The following PVR variants were observed in gnomAD, a reference collection of about 807,000 sequenced individuals.
PVR encodes the protein PVR cell adhesion molecule.
A neutral mutation model predicts 43.3 loss-of-function variants in PVR; 39 were observed. That is an observed-to-expected ratio of 0.90 (90% CI 0.70 to 1.18). PVR has a LOEUF of 1.18. Among genes scored for constraint, PVR ranks in the 50% most tolerant of loss-of-function variants. The pLI is 0.00. For missense variants in PVR, 480 were observed against 549.7 expected, an observed-to-expected ratio of 0.87 and a Z score of 1.27; for synonymous variants, 224 against 233.2, an observed-to-expected ratio of 0.96 and a Z score of 0.36.
chr19:44,654,587 C>A (rs992847451), intron 4 of PVR, among the ~76,000 whole-genome samples: 1 of 152,180 alleles, frequency 6.6e-6, no homozygotes, highest in Non-Finnish European at 1.5e-5. Flanking sequence ...GCAGCTGTTG[C>A]CCTGCCCAGG....
chr19:44,655,500 C>T (rs1194160310), intron 4 of PVR, among the ~76,000 whole-genome samples: 1 of 152,208 alleles, frequency 6.6e-6, no homozygotes, highest in East Asian at 1.9e-4. Flanking sequence ...GTGTACCCAG[C>T]CACCTCCAGA....
At chr19:44,648,755 G>A (rs530298594) in intron 2 of PVR, among the ~76,000 whole-genome samples, 3 of 152,294 alleles carry the variant, frequency 2.0e-5, no homozygotes, top group East Asian at 1.9e-4. Flanking sequence ...CAAGGGCTTG[G>A]AACTGTGCCT....
rs781735393 is a variant in PVR, at chr19:44,658,907, A to G, written c.1150+7A>G. On this transcript the variant is annotated splice_region_variant and intron_variant, in intron 6 of 7. Coordinates refer to ENST00000425690, the MANE Select transcript of PVR (RefSeq NM_006505.5). ...TGTCATCTGTGTCCCTCGAGTGAGC[A>G]TCACCAGAGCTGCCGTAATTGAGCA... The G allele has an allele frequency of 3.1e-6, 5 of 1,613,328 alleles. No individual in the cohort carries two copies. In the South Asian group the frequency reaches 4.4e-5, roughly 14 times the overall value.
chr19:44,652,617 C>T (rs1373155755), intron 3 of PVR, among the ~76,000 whole-genome samples: 4 of 152,028 alleles, frequency 2.6e-5, no homozygotes, highest in African/African-American at 9.7e-5. Flanking sequence ...CTCCTGACCT[C>T]GTGATCCACC....
intron 4 of PVR, among the ~76,000 whole-genome samples, chr19:44,654,543 C>T (rs376481008): frequency 6.6e-6 from 1 of 152,156 alleles, no homozygotes; most frequent in South Asian, 2.1e-4. Context: ...GTACTTCCCC[C>T]GAATCCCATG....
chr19:44,658,878 G>A lies in PVR; in HGVS notation c.1128G>A (p.Trp376Ter), dbSNP rs143922001. The change falls in exon 6 of 8, where the codon TGG (tryptophan) becomes TGA (stop). Residue 376 changes from tryptophan (W) to a stop codon, truncating the protein, a stop_gained. Transcript: ENST00000425690. LOFTEE classifies it high-confidence loss of function. ...CCAAATGTTCCCGTGAGGTCCTTTG[G>A]CACTGTCATCTGTGTCCCTCGAGTG... ...YWSKCSREVL[W>*]HCHLCPSSTE... The A allele has an allele frequency of 6.2e-7, 1 of 1,613,854 alleles. No homozygotes were observed. The highest frequency in any genetic ancestry group is 1.3e-5 in the African/African-American group (1 of 74,858).
rs564400655 is a variant in PVR, at chr19:44,665,105, A to G, written c.*3294A>G. ...CAGAATTTTGGTATAGGTGTTGTAT[A>G]AACTTATAGTAAGGTTAAGAAAACC... On this transcript the variant is annotated 3_prime_UTR_variant, in exon 8 of 8. Transcript: ENST00000425690. 1 of 152,288 alleles carries G rather than the reference A, an allele frequency of 6.6e-6. No individual in the cohort carries two copies. Among genetic ancestry groups the G allele is most frequent in the East Asian group, 1.9e-4 (1 of 5,190 alleles). 9.4% of individuals were successfully genotyped at this position (152,288 alleles called of 1,614,324 possible).
chr19:44,658,932 AC>A (rs751057243), intron 6 of PVR, 32 bp downstream of exon 6: 1 of 1,602,406 alleles, frequency 6.2e-7, no homozygotes, highest in Non-Finnish European at 8.5e-7. Context: ...GTAATTGAGC[AC>A]CTACTACGGG....
intron 2 of PVR, among the ~76,000 whole-genome samples, chr19:44,648,519 C>T (rs1284931292): frequency 3.3e-5 from 5 of 150,892 alleles, no homozygotes; most frequent in African/African-American, 7.3e-5. Flanking sequence ...TTAGTTCTGT[C>T]GCCCAGGCTG....
chr19:44,660,465 TTAC>T (rs1484134732), intron 6 of PVR, among the ~76,000 whole-genome samples: 1 of 152,180 alleles, frequency 6.6e-6, no homozygotes, highest in Non-Finnish European at 1.5e-5. Flanking sequence ...ATTGCTATTA[TTAC>T]TATTATTGTT....
intron 6 of PVR, 40 bp from the exon 7 acceptor site, chr19:44,661,252 C>A: frequency 6.3e-7 from 1 of 1,591,900 alleles, no homozygotes; most frequent in African/African-American, 1.3e-5. Context: ...TGCTTCCCAG[C>A]ATTATTCCTT....
rs528355784 is a variant in PVR, at chr19:44,645,202, G to A, written c.79+1027G>A. 2.4e-3 allele frequency among the ~76,000 whole-genome samples: 177 copies of A among 73,874 alleles called. 8 individuals are homozygous for A. The highest frequency in any genetic ancestry group is 8.7e-3 in the African/African-American group (167 of 19,098). The allele number at this position is 73,874 out of a possible 152,430, so 48.5% of individuals were successfully genotyped here. On this transcript the variant is annotated intron_variant, in intron 1 of 7. Transcript: ENST00000425690. ...TATATATTATTATAATATATAATATGTATATTATATATTATATATATTATT... is the reference window on the plus strand; with the variant it reads ...TATATATTATTATAATATATAATATATATATTATATATTATATATATTATT...
chr19:44,663,839 C>G lies in PVR; in HGVS notation c.*2028C>G, dbSNP rs1417682959. On this transcript the variant is annotated 3_prime_UTR_variant, in exon 8 of 8. Coordinates refer to ENST00000425690, the MANE Select transcript of PVR (RefSeq NM_006505.5). ...GCACGATCATAGCTCATTGCAGCCT[C>G]TAACTCCGGGGCTCAAGCAATCCTC... Among the ~76,000 whole-genome samples, 1 of 152,056 alleles carries G rather than the reference C, an allele frequency of 6.6e-6. No homozygotes were observed. Among genetic ancestry groups the G allele is most frequent in the African/African-American group, 2.4e-5 (1 of 41,382 alleles).
Position 44,647,468 on chromosome 19 carries a change from A to T in PVR, c.325A>T (p.Arg109Trp), listed in dbSNP as rs1271881167. The part of the protein sequence containing the change: ...LGAELRNASL[R>W]MFGLRVEDEG... ...CGCGGAGCTGCGGAATGCCTCGCTG[A>T]GGATGTTCGGGTTGCGCGTAGAGGA... The change falls in exon 2 of 8, where the codon AGG becomes TGG. Residue 109 changes from arginine (R) to tryptophan (W), a missense_variant. By Grantham distance (101) the Arg-to-Trp change is moderately radical. Transcript: ENST00000425690. 6.2e-7 allele frequency: 1 copy of T among 1,613,906 alleles called. No individual in the cohort carries two copies. Among genetic ancestry groups the T allele is most frequent in the African/African-American group, 1.3e-5 (1 of 74,876 alleles).
rs1024568051 is a variant in PVR, at chr19:44,664,398, G to C, written c.*2587G>C. 1.3e-5 allele frequency: 2 copies of C among 152,096 alleles called. No homozygotes were observed. Among genetic ancestry groups the C allele is most frequent in the Non-Finnish European group, 1.5e-5 (1 of 68,034 alleles). The allele number at this position is 152,096 out of a possible 1,614,324, so 9.4% of individuals were successfully genotyped here. A position where few individuals can be genotyped will look rare whatever the true frequency, so the allele number is the denominator to read the frequency against. ...TAAATCTCTTTTTAACTTTTGTAGA[G>C]ATAGGCATCTCGCTATGTTGCCTAG... On this transcript the variant is annotated 3_prime_UTR_variant, in exon 8 of 8. Transcript: ENST00000425690.
Position 44,647,531 on chromosome 19 carries a change from CAGGGCAGCAGGAGCG to C in PVR, c.389_403del (p.Gln130_Val135delinsLeu). 1.9e-6 allele frequency: 3 copies of C among 1,613,818 alleles called. No individual in the cohort carries two copies. Among genetic ancestry groups the C allele is most frequent in the Non-Finnish European group, 1.7e-6 (2 of 1,179,880 alleles). ...CACCTGCCTGTTCGTCACGTTCCCG[CAGGGCAGCAGGAGCG>C]TGGATATCTGGCTCCGAGTGCTTGG... On this transcript the variant is annotated inframe_deletion, in exon 2 of 8. Coordinates refer to ENST00000425690, the MANE Select transcript of PVR (RefSeq NM_006505.5).
At chr19:44,660,431 G>A (rs1386765425) in intron 6 of PVR, among the ~76,000 whole-genome samples, 4 of 152,194 alleles carry the variant, frequency 2.6e-5, no homozygotes, top group African/African-American at 7.2e-5. Flanking sequence ...GCCACATACT[G>A]AGTATGTATT....
At position 44,649,971 on chromosome 19, in the gene PVR, C is replaced by T; in HGVS notation, c.590C>T (p.Ser197Phe). ...PNTSQVPGFL[S>F]GTVTVTSLWI... The stretch of plus-strand genomic sequence containing the variant: ...ACGAGCCAGGTGCCAGGGTTCCTGT[C>T]TGGCACAGTCACTGTCACCAGCCTC... The change falls in exon 3 of 8, where the codon TCT becomes TTT. Residue 197 changes from serine (S) to phenylalanine (F), a missense_variant. By Grantham distance (155) the Ser-to-Phe change is radical. Transcript: ENST00000425690. 6.2e-7 allele frequency: 1 copy of T among 1,608,298 alleles called. No individual in the cohort carries two copies. The highest frequency in any genetic ancestry group is 1.3e-5 in the African/African-American group (1 of 74,964).
chr19:44,646,994 A>C (rs967705459), intron 1 of PVR, among the ~76,000 whole-genome samples: 1 of 152,212 alleles, frequency 6.6e-6, no homozygotes, highest in African/African-American at 2.4e-5. Flanking sequence ...AAATAGCCAA[A>C]GTGAAGGAGC....
Sources: allele counts gnomAD v4.1 joint callset (sites outside exome capture counted in the v4.1 genomes callset), GRCh38; gene constraint gnomAD v4.1.1; transcripts MANE v1.5; gene names NCBI Gene and HGNC (gene_info 2026-07-23, HGNC 2026-07-21).